The following MYOZ1 variants were observed in gnomAD, a reference collection of about 807,000 sequenced individuals.
MYOZ1 encodes myozenin 1, also known as myozenin-1.
In MYOZ1, 20 loss-of-function variants were observed where a neutral mutation model predicts 28.7. That is an observed-to-expected ratio of 0.70 (90% CI 0.49 to 1.01). The LOEUF (loss-of-function observed/expected upper bound fraction) is 1.01. Ranked by LOEUF, MYOZ1 falls within the 50% of genes least tolerant of loss-of-function variation. The pLI, the probability that MYOZ1 is intolerant of heterozygous loss-of-function variation, is 0.00. For synonymous variants in MYOZ1, 144 were observed against 145.8 expected (o/e 0.99, Z 0.09); for missense variants, 371 against 372.4 (o/e 1.00, Z 0.03).
Position 73,637,847 on chromosome 10 carries a change from G to C in MYOZ1, c.149C>G (p.Ser50Trp), listed in dbSNP as rs778531980. 3.1e-6 allele frequency: 5 copies of C among 1,613,980 alleles called. No homozygotes were observed. Among genetic ancestry groups the C allele is most frequent in the Non-Finnish European group, 4.2e-6 (5 of 1,180,026 alleles). Residue 50 changes from serine (S) to tryptophan (W), a missense_variant, in exon 3 of 6, where the codon TCG becomes TGG. By Grantham distance (177) the Ser-to-Trp change is radical (BLOSUM62 -3). Transcript: ENST00000359322. ...CTTGGAGCCCCGGTTGGTAAGCAGC[G>C]ACAGTTCCTCCAACATCACATCCCT... ...VPRDVMLEEL[S>W]LLTNRGSKMF...
At chr10:73,633,465 A>G (rs893878921) in intron 5 of MYOZ1, among the ~76,000 whole-genome samples, 6 of 152,188 alleles carry the variant, frequency 3.9e-5, no homozygotes, top group African/African-American at 1.4e-4. Flanking sequence ...ACGGTGGCTC[A>G]CCCCTGTAAT....
At chr10:73,640,929 TG>T (rs1229854275) in intron 1 of MYOZ1, among the ~76,000 whole-genome samples, 1 of 151,792 alleles carries the variant, frequency 6.6e-6, no homozygotes, top group Non-Finnish European at 1.5e-5. Context: ...GACCCCAGAG[TG>T]GAGGCAGGTG....
intron 3 of MYOZ1, among the ~76,000 whole-genome samples, chr10:73,635,846 T>C (rs2081664268): frequency 6.6e-6 from 1 of 152,168 alleles, no homozygotes; most frequent in African/African-American, 2.4e-5. Flanking sequence ...TGGACCTCAC[T>C]GGTGACAGTG....
chr10:73,638,952 C>T (rs1190771529), intron 2 of MYOZ1, among the ~76,000 whole-genome samples: 5 of 148,982 alleles, frequency 3.4e-5, no homozygotes, highest in African/African-American at 1.2e-4. Context: ...AGGCATGAGC[C>T]ACCACGCCTG....
intron 1 of MYOZ1, 70 bp from the exon 2 acceptor site, chr10:73,640,105 C>T: frequency 3.8e-6 from 5 of 1,327,926 alleles, no homozygotes; most frequent in South Asian, 1.2e-5. Flanking sequence ...TGTAGGAGAG[C>T]AGCACTTCTT....
intron 2 of MYOZ1, among the ~76,000 whole-genome samples, chr10:73,639,195 T>C (rs1379725913): frequency 6.6e-6 from 1 of 151,876 alleles, no homozygotes; most frequent in South Asian, 2.1e-4. Flanking sequence ...CAATCATGGC[T>C]CACGGCAGCC....
intron 4 of MYOZ1, 150 bp from the exon 5 acceptor site, chr10:73,634,215 A>G (rs1341549964): frequency 9.2e-7 from 1 of 1,090,642 alleles, no homozygotes; most frequent in Admixed American, 2.8e-5. Flanking sequence ...TGGCATAATG[A>G]TAGTCTGTGG....
In MYOZ1 at chr10:73,631,936, C is replaced by T. The variant is rs202003040; in HGVS notation, c.894G>A (p.Glu298=). ...IGIPLDGETE[E]L is the part of the protein sequence containing the mutation. ...AATCAGAGGAGGAAACACCTCACAG[C>T]TCCTCTGTTTCTCCATCCAAGGGGA... The change falls in exon 6 of 6, where the codon GAG becomes GAA. Residue 298 remains glutamate, a synonymous_variant. Coordinates refer to ENST00000359322, the MANE Select transcript of MYOZ1 (RefSeq NM_021245.4). 1.5e-4 allele frequency: 238 copies of T among 1,613,486 alleles called. No homozygotes were observed. Among genetic ancestry groups the T allele is most frequent in the Admixed American group, 6.3e-4 (38 of 59,994 alleles).
At chr10:73,639,070 G>A (rs1445335896) in intron 2 of MYOZ1, among the ~76,000 whole-genome samples, 2 of 149,832 alleles carry the variant, frequency 1.3e-5, no homozygotes. Context: ...GCCTCCCAAA[G>A]TGCTGCGATT....
intron 3 of MYOZ1, among the ~76,000 whole-genome samples, chr10:73,635,645 A>C (rs2081663484): frequency 6.6e-6 from 1 of 152,052 alleles, no homozygotes; most frequent in Non-Finnish European, 1.5e-5. Flanking sequence ...CAGCCTCCCA[A>C]AGTGCTGAGA....
In MYOZ1 at chr10:73,634,627, C is replaced by T. The variant is rs1322979519; in HGVS notation, c.359G>A (p.Gly120Asp). The change falls in exon 4 of 6, where the codon GGC becomes GAC. Residue 120 changes from glycine (G) to aspartate (D), a missense_variant. Gly to Asp is a moderately conservative substitution (Grantham distance 94). Transcript: ENST00000359322. ...SNGRGGSQAG[G>D]SGSAGQYGSD... is the part of the protein sequence containing the mutation. ...GCCATACTGTCCGGCAGAGCCACTGCCCCCTGCCTGGCTGCCGCCTCTGCC... is the reference window on the plus strand; with the variant it reads ...GCCATACTGTCCGGCAGAGCCACTGTCCCCTGCCTGGCTGCCGCCTCTGCC... The T allele has an allele frequency of 1.2e-6, 2 of 1,614,182 alleles. No individual in the cohort carries two copies. The highest frequency in any genetic ancestry group is 1.7e-6 in the Non-Finnish European group (2 of 1,180,022).
intron 5 of MYOZ1, 113 bp from the exon 6 acceptor site, chr10:73,632,274 TG>T (rs1462179439): frequency 2.1e-6 from 2 of 964,350 alleles, no homozygotes; most frequent in Non-Finnish European, 3.1e-6. Context: ...AGTTTGGGAT[TG>T]CATCTGTACT....
At chr10:73,637,014 C>CTTT (rs1229338667) in intron 3 of MYOZ1, among the ~76,000 whole-genome samples, 3 of 132,646 alleles carry the variant, frequency 2.3e-5, no homozygotes, top group Admixed American at 1.5e-4. Context: ...TTTTTTCTTT[C>CTTT]TTTTTTTTTT....
At chr10:73,635,639 C>T (rs1333102281) in intron 3 of MYOZ1, among the ~76,000 whole-genome samples, 3 of 152,152 alleles carry the variant, frequency 2.0e-5, no homozygotes, top group African/African-American at 7.2e-5. Flanking sequence ...CTGCCTCAGC[C>T]TCCCAAAGTG....
intron 3 of MYOZ1, among the ~76,000 whole-genome samples, chr10:73,635,071 G>A (rs1422386350): frequency 6.6e-6 from 1 of 151,966 alleles, no homozygotes; most frequent in Admixed American, 6.6e-5. Context: ...TTACAGGCAT[G>A]CACCATCACA....
At chr10:73,636,820 T>G (rs1409029716) in intron 3 of MYOZ1, among the ~76,000 whole-genome samples, 1 of 152,150 alleles carries the variant, frequency 6.6e-6, no homozygotes, top group Non-Finnish European at 1.5e-5. Flanking sequence ...ACTAAAAAAA[T>G]TATTCATTTG....
chr10:73,631,839 C>G lies in MYOZ1; in HGVS notation c.*91G>C. On this transcript the variant is annotated 3_prime_UTR_variant, in exon 6 of 6. Coordinates refer to ENST00000359322, the MANE Select transcript of MYOZ1 (RefSeq NM_021245.4). ...TTTTCCCTCCATTCCCATAAGGATACTGGATTAACAATGGGGGCTATCTGC... is the reference window on the plus strand; with the variant it reads ...TTTTCCCTCCATTCCCATAAGGATAGTGGATTAACAATGGGGGCTATCTGC... 4 of 1,125,012 alleles carry G rather than the reference C, an allele frequency of 3.6e-6. No homozygotes were observed. Among genetic ancestry groups the G allele is most frequent in the Non-Finnish European group, 5.3e-6 (4 of 761,152 alleles). 69.7% of individuals were successfully genotyped at this position (1,125,012 alleles called of 1,614,324 possible).
At position 73,634,014 on chromosome 10, in the gene MYOZ1, A is replaced by C; in HGVS notation, c.554T>G (p.Ile185Ser). ...CCCCATGGCTCGCTCCCATGGGGAA[A>C]TATAGGTCTTGAACACAGTGATATG... ...GKHITVFKTYISPWERAMGVD... is the reference protein window; with the variant it reads ...GKHITVFKTYSSPWERAMGVD... Residue 185 changes from isoleucine (I) to serine (S), a missense_variant, in exon 5 of 6, where the codon ATT (isoleucine) becomes AGT (serine). Coordinates refer to ENST00000359322, the MANE Select transcript of MYOZ1 (RefSeq NM_021245.4). The C allele has an allele frequency of 6.2e-7, 1 of 1,614,006 alleles. No homozygotes were observed. The highest frequency in any genetic ancestry group is 1.1e-5 in the South Asian group (1 of 91,056).
intron 5 of MYOZ1, 92 bp from the exon 6 acceptor site, chr10:73,632,253 C>T: frequency 8.6e-7 from 1 of 1,165,976 alleles, no homozygotes; most frequent in Admixed American, 2.2e-5. Flanking sequence ...ATAGGGAAGT[C>T]TGTGAATTCT....
Sources: allele counts gnomAD v4.1 joint callset (sites outside exome capture counted in the v4.1 genomes callset), GRCh38; gene constraint gnomAD v4.1.1; transcripts MANE v1.5; gene names NCBI Gene and HGNC (gene_info 2026-07-23, HGNC 2026-07-21).